The following HEATR4 variants were observed in gnomAD, a reference collection of about 807,000 sequenced individuals.
HEATR4 encodes the protein HEAT repeat-containing protein 4.
A neutral mutation model predicts 108.8 loss-of-function variants in HEATR4; 95 were observed. The ratio of observed to expected loss-of-function variants is 0.87; its 90% confidence interval spans 0.74 to 1.04. The LOEUF is 1.04. HEATR4 is among the 50% of genes least tolerant of loss of function. The probability of loss-of-function intolerance (pLI) is 0.00; values close to 1 mark genes in which losing one functional copy is unlikely to be tolerated. For synonymous variants in HEATR4, 443 were observed against 459.4 expected, an observed-to-expected ratio of 0.96 and a Z score of 0.46; for missense variants, 1,152 against 1,253.8, an observed-to-expected ratio of 0.92 and a Z score of 1.23.
chr14:73,622,573 T>C, the HEATR4 span, among the ~76,000 whole-genome samples: 1 of 152,050 alleles, frequency 6.6e-6, no homozygotes, highest in Non-Finnish European at 1.5e-5. Flanking sequence ...GCTAATTTTG[T>C]ACTTTTAGTA....
At chr14:73,498,962 A>G (rs2140258825) in intron 13 of HEATR4, 109 bp downstream of exon 13, 1 of 910,786 alleles carries the variant, frequency 1.1e-6, no homozygotes, top group Non-Finnish European at 1.8e-6. Flanking sequence ...AGCTAAGATC[A>G]TTACCTCTCC....
intron 17 of HEATR4, among the ~76,000 whole-genome samples, chr14:73,488,387 C>T (rs1488517620): frequency 6.6e-6 from 1 of 152,144 alleles, no homozygotes; most frequent in East Asian, 1.9e-4. Flanking sequence ...TCTCCTGCCT[C>T]AGCCTCCAGA....
In HEATR4 at chr14:73,551,862, T is replaced by A. The variant is rs1889330715; in HGVS notation, c.-152+6889A>T. On this transcript the variant is annotated intron_variant, in intron 1 of 17. Transcript: ENST00000553558. ...GCTATGTATGACCTCTCCAGGACAC[T>A]CCACTGGAAAAGGGAAGAAAGCCTC... Among the ~76,000 whole-genome samples the A allele has an allele frequency of 1.9e-5, 2 of 105,388 alleles. 1 individual carries two copies. Among genetic ancestry groups the A allele is most frequent in the Non-Finnish European group, 4.0e-5 (2 of 49,544 alleles). 69.1% of individuals were successfully genotyped at this position (105,388 alleles called of 152,430 possible). A position where few individuals can be genotyped will look rare whatever the true frequency, so the allele number is the denominator to read the frequency against.
the HEATR4 span, among the ~76,000 whole-genome samples, chr14:73,570,077 G>A: frequency 1.3e-5 from 2 of 149,882 alleles, no homozygotes; most frequent in African/African-American, 4.9e-5. Context: ...TACAGGGTGA[G>A]CCACCGCGCC....
the HEATR4 span, among the ~76,000 whole-genome samples, chr14:73,593,366 T>G: frequency 1.4e-5 from 2 of 140,452 alleles, no homozygotes; most frequent in Non-Finnish European, 3.1e-5. Flanking sequence ...TGAGACAGTG[T>G]CTGTCTCTGT....
chr14:73,488,591 T>C (rs915517505), intron 17 of HEATR4, among the ~76,000 whole-genome samples: 1 of 152,166 alleles, frequency 6.6e-6, no homozygotes, highest in South Asian at 2.1e-4. Flanking sequence ...GATTTTAAGT[T>C]TCTTTAGGCC....
intron 2 of HEATR4, among the ~76,000 whole-genome samples, chr14:73,528,151 T>C (rs565700031): frequency 1.4e-3 from 212 of 151,770 alleles, no homozygotes; most frequent in South Asian, 4.0e-3. Context: ...TCCCAACACT[T>C]TGGGAGGCTG....
chr14:73,594,572 C>T, the HEATR4 span, among the ~76,000 whole-genome samples: 2 of 152,216 alleles, frequency 1.3e-5, no homozygotes. Flanking sequence ...TGGGAAGAAA[C>T]TCCCCTGTCA....
rs1322525170 is a variant in HEATR4, at chr14:73,536,999, T to C, written c.-151-6755A>G. 2 of 124,654 alleles carry C rather than the reference T, an allele frequency of 1.6e-5. 1 individual carries two copies. Among genetic ancestry groups the C allele is most frequent in the East Asian group, 1.4e-3 (2 of 1,434 alleles). The allele number at this position is 124,654 out of a possible 1,614,324, so 7.7% of individuals were successfully genotyped here. A position where few individuals can be genotyped will look rare whatever the true frequency, so the allele number is the denominator to read the frequency against. On this transcript the variant is annotated intron_variant, in intron 1 of 17. Coordinates refer to ENST00000553558, the MANE Select transcript of HEATR4 (RefSeq NM_001220484.1). ...CTGGTTGTTGTTGTTTTTTTTTTTTTCTGAGACGGACTTTCGCTCTGTCGC... is the reference window on the plus strand; with the variant it reads ...CTGGTTGTTGTTGTTTTTTTTTTTTCCTGAGACGGACTTTCGCTCTGTCGC...
Position 73,546,361 on chromosome 14 carries a change from A to ATTT in HEATR4, c.-152+12387_-152+12389dup, listed in dbSNP as rs549283883. 1.2e-3 allele frequency among the ~76,000 whole-genome samples: 110 copies of ATTT among 93,322 alleles called. 25 individuals are homozygous for ATTT. The highest frequency in any genetic ancestry group is 3.7e-3 in the African/African-American group (107 of 28,558). 61.2% of individuals were successfully genotyped at this position (93,322 alleles called of 152,430 possible). ...ACCTATCAGCCTCTTGACATTTCGT[A>ATTT]TTTTTTTTTTTTTTTTGAGACGAGA... On this transcript the variant is annotated intron_variant, in intron 1 of 17. Transcript: ENST00000553558.
At chr14:73,627,349 C>A in the HEATR4 span, among the ~76,000 whole-genome samples, 2 of 152,040 alleles carry the variant, frequency 1.3e-5, no homozygotes, top group African/African-American at 4.8e-5. Flanking sequence ...ACACAGTCTA[C>A]CTGGAAATAA....
At chr14:73,564,887 G>A in the HEATR4 span, among the ~76,000 whole-genome samples, 2 of 151,814 alleles carry the variant, frequency 1.3e-5, no homozygotes, top group East Asian at 3.9e-4. Flanking sequence ...TATTGTTTCA[G>A]TAGTCTTTTT....
the HEATR4 span, among the ~76,000 whole-genome samples, chr14:73,602,220 T>G: frequency 6.6e-6 from 1 of 152,194 alleles, no homozygotes; most frequent in South Asian, 2.1e-4. Context: ...ATTACAGGCA[T>G]GAGCCACTGC....
At chr14:73,569,317 C>A in the HEATR4 span, 1 of 1,613,968 alleles carries the variant, frequency 6.2e-7, no homozygotes, top group Non-Finnish European at 8.5e-7. Context: ...TCATCTCCTG[C>A]TGTCCTTCGA....
chr14:73,506,805 T>TTTTTTTTTTTTTTTTTTTTG lies in HEATR4; in HGVS notation c.1882-235_1882-234insCAAAAAAAAAAAAAAAAAAA. On this transcript the variant is annotated intron_variant, in intron 9 of 17. Transcript: ENST00000553558. ...GACCTTCCTTTCCTGACTTTAACTGTTTTTTTTTTTTTTTTTTTTTCTGAG... is the reference window on the plus strand; with the variant it reads ...GACCTTCCTTTCCTGACTTTAACTGTTTTTTTTTTTTTTTTTTTTGTTTTTTTTTTTTTTTTTTTTCTGAG... Among the ~76,000 whole-genome samples the TTTTTTTTTTTTTTTTTTTTG allele has an allele frequency of 5.3e-5, 2 of 37,946 alleles. 1 individual carries two copies. The highest frequency in any genetic ancestry group is 1.1e-4 in the Non-Finnish European group (2 of 18,620). The allele number at this position is 37,946 out of a possible 152,430, so 24.9% of individuals were successfully genotyped here.
intron 2 of HEATR4, chr14:73,528,998 T>C (rs1350737846): frequency 6.6e-6 from 1 of 152,132 alleles, no homozygotes; most frequent in African/African-American, 2.4e-5. Context: ...TTCCAACAAA[T>C]AGCCCTCTAG....
chr14:73,615,191 G>T, the HEATR4 span, among the ~76,000 whole-genome samples: 1 of 150,270 alleles, frequency 6.7e-6, no homozygotes, highest in Non-Finnish European at 1.5e-5. Flanking sequence ...TTCAAGACCA[G>T]CCTGGCCAAG....
At chr14:73,506,804 G>GTTTTCTT (rs1555390530) in intron 9 of HEATR4, among the ~76,000 whole-genome samples, 1 of 80,522 alleles carries the variant, frequency 1.2e-5, no homozygotes, top group Non-Finnish European at 2.2e-5. Flanking sequence ...GACTTTAACT[G>GTTTTCTT]TTTTTTTTTT....
the HEATR4 span, chr14:73,631,446 A>AGCTATTTG: frequency 4.1e-5 from 6 of 147,524 alleles, no homozygotes; most frequent in African/African-American, 1.5e-4. Context: ...CACCATGGCC[A>AGCTATTTG]GCTATTTGAA....
Sources: allele counts gnomAD v4.1 joint callset (sites outside exome capture counted in the v4.1 genomes callset), GRCh38; gene constraint gnomAD v4.1.1; transcripts MANE v1.5; gene names NCBI Gene and HGNC (gene_info 2026-07-23, HGNC 2026-07-21).